The following TBC1D9 variants were observed in gnomAD, a reference collection of about 807,000 sequenced individuals.
The protein encoded by TBC1D9 is TBC1 domain family member 9.
TBC1D9 carries 63 observed loss-of-function variants against 132.0 expected under a neutral mutation model. That is an observed-to-expected ratio of 0.48 (90% CI 0.39 to 0.59). The LOEUF (loss-of-function observed/expected upper bound fraction) is 0.59, where lower values mean the gene tolerates loss of function less well. Ranked by LOEUF, TBC1D9 falls within the 20% of genes least tolerant of loss-of-function variation. TBC1D9 has a pLI of 0.00. For missense variants in TBC1D9, 1,261 were observed against 1,592.7 expected, an observed-to-expected ratio of 0.79 and a Z score of 3.54; for synonymous variants, 610 against 609.9, an observed-to-expected ratio of 1.00 and a Z score of 0.00.
chr4:140,727,062 G>C (rs1412025747), intron 1 of TBC1D9, among the ~76,000 whole-genome samples: 2 of 152,148 alleles, frequency 1.3e-5, no homozygotes, highest in African/African-American at 4.8e-5. Context: ...AGGTTATCTT[G>C]TTAGCATTCT....
At chr4:140,695,995 A>G (rs1737949503) in intron 2 of TBC1D9, among the ~76,000 whole-genome samples, 2 of 152,224 alleles carry the variant, frequency 1.3e-5, no homozygotes, top group Admixed American at 1.3e-4. Flanking sequence ...TGTTGACATA[A>G]TGGCATATTA....
At chr4:140,704,471 C>T (rs1469997270) in intron 1 of TBC1D9, among the ~76,000 whole-genome samples, 1 of 149,656 alleles carries the variant, frequency 6.7e-6, no homozygotes, top group Non-Finnish European at 1.5e-5. Flanking sequence ...AAAAAAGAAT[C>T]GGCCTGTGTG....
intron 1 of TBC1D9, among the ~76,000 whole-genome samples, chr4:140,711,181 C>T (rs1387943700): frequency 1.3e-5 from 2 of 152,178 alleles, no homozygotes; most frequent in African/African-American, 2.4e-5. Flanking sequence ...CCTCAAGTCC[C>T]GTAATAGGAA....
In TBC1D9 at chr4:140,628,307, G is replaced by A. The variant is rs1560865022; in HGVS notation, c.2805C>T (p.Val935=). ...TCCATGTAGCTCACTCACCAGGCAAGACGTGCATTTTGTACAGGAGTTTGA... is the reference window on the plus strand; with the variant it reads ...TCCATGTAGCTCACTCACCAGGCAAAACGTGCATTTTGTACAGGAGTTTGA... ...EKLKLLYKMH[V]LPEPSSDQDE... Residue 935 remains valine (V), a synonymous_variant, in exon 17 of 21, where the codon GTC becomes GTT. Coordinates refer to ENST00000442267, the MANE Select transcript of TBC1D9 (RefSeq NM_015130.3). The A allele has an allele frequency of 3.7e-6, 6 of 1,613,892 alleles. No individual in the cohort carries two copies. In the East Asian group the frequency reaches 1.1e-4, roughly 30 times the overall value.
rs1736633574 is a variant in TBC1D9, at chr4:140,622,490, C to G, written c.3506G>C (p.Ser1169Thr). ...CTTGTCCTCCTCGTGGGAGCCGGCA[C>G]TCAGCACCGAGTATGAGGACATGGA... is the stretch of plus-strand genomic sequence containing the variant. Reference protein sequence around the residue: ...DSSMSSYSVLSAGSHEEDKLH... With the variant: ...DSSMSSYSVLTAGSHEEDKLH... Residue 1169 changes from serine (S) to threonine (T), a missense_variant, in exon 21 of 21, where the codon AGT becomes ACT. Physicochemically the swap from Ser to Thr is moderately conservative, Grantham distance 58. Transcript: ENST00000442267. 2 of 1,613,962 alleles carry G rather than the reference C, an allele frequency of 1.2e-6. No individual in the cohort carries two copies. Among genetic ancestry groups the G allele is most frequent in the African/African-American group, 1.3e-5 (1 of 74,952 alleles).
At chr4:140,638,499 TAAAAAAAAAGAA>T (rs1024612348) in intron 15 of TBC1D9, among the ~76,000 whole-genome samples, 11 of 125,860 alleles carry the variant, frequency 8.7e-5, no homozygotes, top group South Asian at 5.0e-4. Flanking sequence ...CCATCTCTAC[TAAAAAAAAAGAA>T]AAAAAAAAAG....
intron 2 of TBC1D9, among the ~76,000 whole-genome samples, chr4:140,693,877 G>T (rs1158225940): frequency 1.3e-5 from 2 of 152,126 alleles, no homozygotes; most frequent in African/African-American, 2.4e-5. Context: ...ATAATAATAT[G>T]CTCACAGCTT....
chr4:140,649,823 A>C (rs562509214), intron 13 of TBC1D9, among the ~76,000 whole-genome samples: 3 of 152,182 alleles, frequency 2.0e-5, no homozygotes, highest in Non-Finnish European at 4.4e-5. Context: ...ATGTTCGTTG[A>C]ATGGGTGGCC....
chr4:140,729,354 G>A (rs1468428173), intron 1 of TBC1D9, among the ~76,000 whole-genome samples: 1 of 152,094 alleles, frequency 6.6e-6, no homozygotes, highest in African/African-American at 2.4e-5. Flanking sequence ...AATCCCAGAA[G>A]ATTCTGATGA....
chr4:140,657,731 C>T lies in TBC1D9; in HGVS notation c.2003G>A (p.Gly668Asp), dbSNP rs542809312. The T allele has an allele frequency of 1.2e-6, 2 of 1,614,014 alleles. No individual in the cohort carries two copies. Among genetic ancestry groups the T allele is most frequent in the East Asian group, 4.5e-5 (2 of 44,892 alleles). ...AGACAGGGAGATGGTGGAAATCACG[C>T]CCAGGTCTTGCATGCAGTCGTACAG... The part of the protein sequence containing the change: ...PQLYDCMQDL[G>D]VISTISLSWF... Residue 668 changes from glycine to aspartate, a missense_variant, in exon 12 of 21, where the codon GGC becomes GAC. Gly to Asp is a moderately conservative substitution (Grantham distance 94). Around this residue, in one of 3 missense-constraint regions of TBC1D9, gnomAD observed 93 missense variants for 169.2 expected, o/e 0.55. Coordinates refer to ENST00000442267, the MANE Select transcript of TBC1D9 (RefSeq NM_015130.3).
At chr4:140,713,018 G>A (rs1164375323) in intron 1 of TBC1D9, among the ~76,000 whole-genome samples, 1 of 152,172 alleles carries the variant, frequency 6.6e-6, no homozygotes, top group Admixed American at 6.6e-5. Flanking sequence ...TAAGCTATAT[G>A]TCTACATGTA....
intron 13 of TBC1D9, among the ~76,000 whole-genome samples, chr4:140,648,556 T>C (rs569550988): frequency 5.3e-5 from 8 of 151,998 alleles, no homozygotes; most frequent in African/African-American, 1.9e-4. Flanking sequence ...TGGCTAATTG[T>C]TGTATTTTTT....
At chr4:140,703,118 G>C (rs753978009) in intron 1 of TBC1D9, among the ~76,000 whole-genome samples, 8 of 152,188 alleles carry the variant, frequency 5.3e-5, no homozygotes, top group Non-Finnish European at 7.4e-5. Flanking sequence ...CATGTTTATA[G>C]AGGATGACTT....
intron 15 of TBC1D9, among the ~76,000 whole-genome samples, chr4:140,637,939 CAT>C (rs916934186): frequency 7.2e-5 from 11 of 152,302 alleles, no homozygotes; most frequent in Admixed American, 1.3e-4. Flanking sequence ...ATTCAACACA[CAT>C]GTTTGGAACA....
At chr4:140,686,553 C>T (rs1270125713) in intron 2 of TBC1D9, 91 bp from the exon 3 acceptor site, 5 of 776,120 alleles carry the variant, frequency 6.4e-6, no homozygotes, top group Non-Finnish European at 1.1e-5. Context: ...TCTATACCAT[C>T]AAAGGAGACT....
At chr4:140,669,184 T>A in intron 8 of TBC1D9, 117 bp from the exon 9 acceptor site, 1 of 1,063,908 alleles carries the variant, frequency 9.4e-7, no homozygotes, top group Non-Finnish European at 1.3e-6. Flanking sequence ...CAGAAAGAAG[T>A]CATGAGAAAA....
rs1245074538 is a variant in TBC1D9, at chr4:140,668,962, C to T, written c.1543G>A (p.Gly515Ser). The T allele has an allele frequency of 1.2e-6, 2 of 1,613,830 alleles. No homozygotes were observed. Among genetic ancestry groups the T allele is most frequent in the African/African-American group, 2.7e-5 (2 of 74,912 alleles). Reference sequence around the variant, plus strand: ...TCCCCACGCATGCTCTCCGGGATGCCCTTCAACACCAGCTCCCGCGTTTTC... The same window carrying T: ...TCCCCACGCATGCTCTCCGGGATGCTCTTCAACACCAGCTCCCGCGTTTTC... ...TEKTRELVLK[G>S]IPESMRGELW... The change falls in exon 9 of 21, where the codon GGC becomes AGC. Residue 515 changes from glycine to serine, a missense_variant. Coordinates refer to ENST00000442267, the MANE Select transcript of TBC1D9 (RefSeq NM_015130.3).
intron 2 of TBC1D9, among the ~76,000 whole-genome samples, chr4:140,697,758 G>C (rs938724483): frequency 3.9e-5 from 6 of 152,240 alleles, no homozygotes; most frequent in African/African-American, 1.4e-4. Flanking sequence ...AGACTGAGGA[G>C]TAGTAACGTC....
rs577916905 is a variant in TBC1D9 at position 140,638,889 on chromosome 4, C to A, written c.2505+197G>T. 1.4e-4 allele frequency among the ~76,000 whole-genome samples: 22 copies of A among 152,226 alleles called. 1 individual carries two copies. In the South Asian group the frequency reaches 4.6e-3, roughly 32 times the overall value. ...AACAACTAGAATATTATATGGAGTG[C>A]AAGGTAACTAAAACATCAACTTAAA... On this transcript the variant is annotated intron_variant, in intron 15 of 20. Transcript: ENST00000442267.
Sources: allele counts gnomAD v4.1 joint callset (sites outside exome capture counted in the v4.1 genomes callset), GRCh38; gene constraint gnomAD v4.1.1; regional missense constraint gnomAD v4.1.1; transcripts MANE v1.5; gene names NCBI Gene and HGNC (gene_info 2026-07-23, HGNC 2026-07-21).